Variants in CAV3 observed in about 807,000 individuals in gnomAD.
CAV3 encodes the protein caveolin 3.
A neutral mutation model predicts 13.4 loss-of-function variants in CAV3; 10 were observed. The ratio of observed to expected loss-of-function variants is 0.75; its 90% confidence interval spans 0.46 to 1.27. The LOEUF (loss-of-function observed/expected upper bound fraction) is 1.27, where lower values mean the gene tolerates loss of function less well. CAV3 is among the 50% of genes most tolerant of loss of function. The pLI is 0.00. For synonymous variants in CAV3, 90 were observed against 79.0 expected, an observed-to-expected ratio of 1.14 and a Z score of -0.74; for missense variants, 162 against 194.0, an observed-to-expected ratio of 0.83 and a Z score of 0.98.
In CAV3 at chr3:8,745,480, G is replaced by A; in HGVS notation, c.115-46G>A. 1.7e-6 allele frequency: 2 copies of A among 1,147,288 alleles called. No individual in the cohort carries two copies. Among genetic ancestry groups the A allele is most frequent in the South Asian group, 2.4e-5 (2 of 82,186 alleles). 71.1% of individuals were successfully genotyped at this position (1,147,288 alleles called of 1,614,324 possible). On this transcript the variant is annotated intron_variant, in intron 1 of 1. Transcript: ENST00000343849. This position sits in a 1 kb window ranked among gnomAD's most constrained non-coding sequence, Gnocchi z 4.8. ...ACGCACACACCCAAAAGCTTGAGAA[G>A]CGGGTGGCTTCTGTGAGTTGAGGCT...
intron 1 of CAV3, among the ~76,000 whole-genome samples, chr3:8,737,787 G>A (rs1041495051): frequency 6.6e-6 from 1 of 152,146 alleles, no homozygotes; most frequent in Non-Finnish European, 1.5e-5. Flanking sequence ...GCAGGGGTGG[G>A]AATGTCTGCC....
chr3:8,740,960 T>C (rs1351613800), intron 1 of CAV3, among the ~76,000 whole-genome samples: 1 of 152,236 alleles, frequency 6.6e-6, no homozygotes, highest in Non-Finnish European at 1.5e-5. Context: ...AAATAACACA[T>C]GTAAGATACA....
intron 1 of CAV3, among the ~76,000 whole-genome samples, chr3:8,738,137 C>A (rs764094503): frequency 2.6e-5 from 4 of 152,148 alleles, no homozygotes; most frequent in Non-Finnish European, 5.9e-5. Context: ...ATGCTTGAAC[C>A]TGAGAGTTAT....
chr3:8,740,072 C>G (rs1707905048), intron 1 of CAV3, among the ~76,000 whole-genome samples: 1 of 152,170 alleles, frequency 6.6e-6, no homozygotes, highest in Non-Finnish European at 1.5e-5. Flanking sequence ...TTCACATGGC[C>G]TCTCCATTAG....
chr3:8,744,127 T>C (rs1400600643), intron 1 of CAV3, among the ~76,000 whole-genome samples: 1 of 152,100 alleles, frequency 6.6e-6, no homozygotes, highest in Non-Finnish European at 1.5e-5. Context: ...CCAGGAGCAC[T>C]GCTAGAAAGA....
At chr3:8,742,690 G>C in intron 1 of CAV3, 1 of 321,446 alleles carries the variant, frequency 3.1e-6, no homozygotes. Flanking sequence ...TAGTGTGCCT[G>C]GGCAAAGTGG....
intron 1 of CAV3, among the ~76,000 whole-genome samples, chr3:8,737,453 C>A (rs1234199576): frequency 1.3e-5 from 2 of 152,110 alleles, no homozygotes; most frequent in Non-Finnish European, 1.5e-5. Flanking sequence ...ATGGATTTGA[C>A]CCCCAGTAGA....
At chr3:8,737,399 A>T (rs373271312) in intron 1 of CAV3, among the ~76,000 whole-genome samples, 35 of 152,254 alleles carry the variant, frequency 2.3e-4, no homozygotes, top group African/African-American at 7.5e-4. Context: ...TTTCACATTT[A>T]AAAAAGCCAA....
rs112302043 is a variant in CAV3 at position 8,741,548 on chromosome 3, A to G, written c.115-3978A>G. 3.9e-5 allele frequency among the ~76,000 whole-genome samples: 6 copies of G among 152,278 alleles called. 1 individual carries two copies. The highest frequency in any genetic ancestry group is 1.4e-4 in the African/African-American group (6 of 41,546). ...CGTCTCTGTGTAGAGTTGAAAAAAG[A>G]AAACAAACAAACAAAAAACCTAGGA... On this transcript the variant is annotated intron_variant, in intron 1 of 1. Coordinates refer to ENST00000343849, the MANE Select transcript of CAV3 (RefSeq NM_033337.3).
chr3:8,736,606 C>A (rs976546826), intron 1 of CAV3, among the ~76,000 whole-genome samples: 2 of 152,248 alleles, frequency 1.3e-5, no homozygotes, highest in African/African-American at 4.8e-5. Context: ...TTGGATCCCT[C>A]TGAGCCAGGA....
intron 1 of CAV3, among the ~76,000 whole-genome samples, chr3:8,743,828 A>G (rs1477072025): frequency 6.6e-6 from 1 of 152,244 alleles, no homozygotes; most frequent in Non-Finnish European, 1.5e-5. Flanking sequence ...AAAGAAATGC[A>G]CCAAAACAAT....
Position 8,745,520 on chromosome 3 carries a change from C to A in CAV3, c.115-6C>A. The stretch of plus-strand genomic sequence containing the variant: ...GAGTTGAGGCTTCCCCTTGCCACCC[C>A]TGCAGGTGGATTTTGAAGACGTGAT... On this transcript the variant is annotated splice_region_variant and splice_polypyrimidine_tract_variant and intron_variant, in intron 1 of 1. Transcript: ENST00000343849. The surrounding 1 kb of genome is among the most constrained non-coding windows in gnomAD (Gnocchi z 4.8). The A allele has an allele frequency of 6.2e-7, 1 of 1,612,546 alleles. No homozygotes were observed. Among genetic ancestry groups the A allele is most frequent in the Non-Finnish European group, 8.5e-7 (1 of 1,178,640 alleles).
At chr3:8,743,650 G>A (rs558451857) in intron 1 of CAV3, among the ~76,000 whole-genome samples, 9 of 152,248 alleles carry the variant, frequency 5.9e-5, no homozygotes, top group African/African-American at 1.9e-4. Flanking sequence ...ACACCACCCC[G>A]AGTGAGGCCT....
intron 1 of CAV3, among the ~76,000 whole-genome samples, chr3:8,739,612 T>G (rs1050021412): frequency 1.2e-4 from 17 of 147,712 alleles, no homozygotes; most frequent in African/African-American, 4.2e-4. Flanking sequence ...AAGAGCAAAA[T>G]TCCTTCTCCA....
intron 1 of CAV3, among the ~76,000 whole-genome samples, chr3:8,740,112 C>G (rs1299640554): frequency 3.9e-5 from 6 of 152,172 alleles, no homozygotes; most frequent in African/African-American, 1.4e-4. Context: ...CAGTGCATTT[C>G]TAATTCTGCT....
chr3:8,744,297 G>C (rs1214936340), intron 1 of CAV3, among the ~76,000 whole-genome samples: 1 of 38,556 alleles, frequency 2.6e-5, no homozygotes, highest in East Asian at 6.1e-4. Flanking sequence ...TTTTTTTTTT[G>C]AGATGGAGTC....
At chr3:8,744,445 A>ATTTTTTTTTTTTTTTT (rs141816229) in intron 1 of CAV3, among the ~76,000 whole-genome samples, 3 of 111,408 alleles carry the variant, frequency 2.7e-5, no homozygotes, top group African/African-American at 3.9e-5. Context: ...TACCCGGCTA[A>ATTTTTTTTTTTTTTTT]TTTTTTTTTT....
chr3:8,745,540 C>T lies in CAV3; in HGVS notation c.129C>T (p.Asp43=), dbSNP rs374584030. The T allele has an allele frequency of 7.6e-5, 122 of 1,614,036 alleles. No homozygotes were observed. The highest frequency in any genetic ancestry group is 4.5e-4 in the East Asian group (20 of 44,870). The change falls in exon 2 of 2, where the codon GAC becomes GAT. Residue 43 remains aspartate (D), a synonymous_variant. Transcript: ENST00000343849. The surrounding 1 kb of genome is among the most constrained non-coding windows in gnomAD (Gnocchi z 4.8). ...NEDIVKVDFE[D]VIAEPVGTYS... ...CACCCCTGCAGGTGGATTTTGAAGA[C>T]GTGATCGCAGAGCCTGTGGGCACCT...
Position 8,746,117 on chromosome 3 carries a change from CAAGAG to C in CAV3, c.*251_*255del. 2.1e-6 allele frequency: 1 copy of C among 487,228 alleles called. No homozygotes were observed. The highest frequency in any genetic ancestry group is 3.1e-5 in the South Asian group (1 of 32,546). The allele number at this position is 487,228 out of a possible 1,614,324, so 30.2% of individuals were successfully genotyped here. Reference sequence around the variant, plus strand: ...CTGGGCGTGGGGGAAGATCATTTGCCAAGAGGCAGCTACTGCAAGTCTTTGCGTTC... The same window carrying C: ...CTGGGCGTGGGGGAAGATCATTTGCCGCAGCTACTGCAAGTCTTTGCGTTC... On this transcript the variant is annotated 3_prime_UTR_variant, in exon 2 of 2. Transcript: ENST00000343849.
Sources: allele counts gnomAD v4.1 joint callset (sites outside exome capture counted in the v4.1 genomes callset), GRCh38; gene constraint gnomAD v4.1.1; non-coding constraint Gnocchi (gnomAD v3.1); transcripts MANE v1.5; gene names NCBI Gene and HGNC (gene_info 2026-07-23, HGNC 2026-07-21).